The following EPHA5 variants were observed in gnomAD, a reference collection of about 807,000 sequenced individuals.
The protein encoded by EPHA5 is ephrin type-A receptor 5.
EPHA5 carries 60 observed loss-of-function variants against 105.0 expected under a neutral mutation model. The ratio of observed to expected loss-of-function variants is 0.57; its 90% CI spans 0.46 to 0.71. The LOEUF (loss-of-function observed/expected upper bound fraction) is 0.71, where lower values mean the gene tolerates loss of function less well. Among genes scored for constraint, EPHA5 ranks in the 30% least tolerant of loss-of-function variants. The pLI is 0.00. For synonymous variants in EPHA5, 513 were observed against 449.1 expected, an observed-to-expected ratio of 1.14 and a Z score of -1.80; for missense variants, 1,218 against 1,274.7, an observed-to-expected ratio of 0.96 and a Z score of 0.68.
At chr4:65,612,620 C>A (rs994621522) in intron 2 of EPHA5, among the ~76,000 whole-genome samples, 1 of 152,202 alleles carries the variant, frequency 6.6e-6, no homozygotes, top group East Asian at 1.9e-4. Flanking sequence ...GGGAATAGTG[C>A]GGTGAGAAAC....
At chr4:65,465,026 G>T (rs930540661) in intron 5 of EPHA5, among the ~76,000 whole-genome samples, 8 of 152,132 alleles carry the variant, frequency 5.3e-5, no homozygotes, top group African/African-American at 1.9e-4. Flanking sequence ...AGTTATGTAA[G>T]AGTGATGAAA....
chr4:65,572,891 A>G (rs1560714268), intron 3 of EPHA5, among the ~76,000 whole-genome samples: 1 of 151,418 alleles, frequency 6.6e-6, no homozygotes, highest in Non-Finnish European at 1.5e-5. Context: ...ATTAGCCAAG[A>G]GTGGTGGTGC....
intron 5 of EPHA5, among the ~76,000 whole-genome samples, chr4:65,440,376 T>C (rs1208405782): frequency 1.3e-5 from 2 of 152,016 alleles, no homozygotes; most frequent in Admixed American, 6.6e-5. Context: ...GCTGGAGATA[T>C]GGATACATAT....
At chr4:65,428,918 A>G (rs1369286114) in intron 5 of EPHA5, among the ~76,000 whole-genome samples, 1 of 152,060 alleles carries the variant, frequency 6.6e-6, no homozygotes, top group African/African-American at 2.4e-5. Flanking sequence ...GTAAAATAAC[A>G]GTGCAAATCA....
chr4:65,435,631 A>C (rs1224110392), intron 5 of EPHA5, among the ~76,000 whole-genome samples: 1 of 152,046 alleles, frequency 6.6e-6, no homozygotes, highest in Non-Finnish European at 1.5e-5. Context: ...TTATCTGAAA[A>C]ATCATTATGG....
Position 65,320,252 on chromosome 4 carries a change from A to G in EPHA5, c.*3862T>C, listed in dbSNP as rs1719528725. The G allele has an allele frequency of 4.3e-6, 1 of 230,150 alleles. No homozygotes were observed. The allele number at this position is 230,150 out of a possible 1,614,324, so 14.3% of individuals were successfully genotyped here. A position where few individuals can be genotyped will look rare whatever the true frequency, so the allele number is the denominator to read the frequency against. ...TATTCAATGTAAACAGCTGTGCTAC[A>G]GAGTTGAAAAAATGATGACTTATTT... On this transcript the variant is annotated 3_prime_UTR_variant, in exon 17 of 17. Coordinates refer to ENST00000613740, the MANE Select transcript of EPHA5 (RefSeq NM_001281766.3).
intron 5 of EPHA5, among the ~76,000 whole-genome samples, chr4:65,461,764 C>A (rs11938411): frequency 6.6e-6 from 1 of 151,770 alleles, no homozygotes; most frequent in Non-Finnish European, 1.5e-5. Context: ...AAATGGGGCA[C>A]ATTTGAAACC....
At chr4:65,556,718 A>T (rs930108741) in intron 3 of EPHA5, among the ~76,000 whole-genome samples, 1 of 152,078 alleles carries the variant, frequency 6.6e-6, no homozygotes, top group Non-Finnish European at 1.5e-5. Context: ...TATTTTCAGC[A>T]TTATTATTAT....
intron 3 of EPHA5, among the ~76,000 whole-genome samples, chr4:65,531,099 G>T (rs1035520385): frequency 6.6e-6 from 1 of 150,488 alleles, no homozygotes; most frequent in African/African-American, 2.4e-5. Flanking sequence ...CTGCAGTGGC[G>T]CAATCTCGGC....
At chr4:65,331,750 T>C in intron 16 of EPHA5, 1 of 1,220,680 alleles carries the variant, frequency 8.2e-7, no homozygotes, top group Non-Finnish European at 1.0e-6. Flanking sequence ...ATTATTCAAG[T>C]ATGCCAATGT....
At chr4:65,521,708 C>T (rs1467475420) in intron 3 of EPHA5, among the ~76,000 whole-genome samples, 1 of 152,068 alleles carries the variant, frequency 6.6e-6, no homozygotes, top group Non-Finnish European at 1.5e-5. Flanking sequence ...CTAAACTACT[C>T]TGGTCCTAAT....
At chr4:65,635,818 A>T (rs1382448304) in intron 2 of EPHA5, among the ~76,000 whole-genome samples, 1 of 152,208 alleles carries the variant, frequency 6.6e-6, no homozygotes, top group African/African-American at 2.4e-5. Flanking sequence ...TGTAATTAGA[A>T]GGAAGCAAAA....
intron 5 of EPHA5, among the ~76,000 whole-genome samples, chr4:65,450,869 G>A (rs1413324454): frequency 6.6e-6 from 1 of 152,050 alleles, no homozygotes; most frequent in African/African-American, 2.4e-5. Flanking sequence ...ATCCTAAATT[G>A]CTTTTCTCTT....
At chr4:65,537,330 A>G (rs1485360527) in intron 3 of EPHA5, among the ~76,000 whole-genome samples, 1 of 151,774 alleles carries the variant, frequency 6.6e-6, no homozygotes, top group Non-Finnish European at 1.5e-5. Context: ...GGTGAGAGAT[A>G]TTTTGTAAAA....
intron 3 of EPHA5, among the ~76,000 whole-genome samples, chr4:65,524,504 G>T (rs1021024319): frequency 2.0e-5 from 3 of 151,582 alleles, no homozygotes; most frequent in Non-Finnish European, 4.4e-5. Context: ...CAAACTATAA[G>T]TTCCTAGAAG....
intron 3 of EPHA5, among the ~76,000 whole-genome samples, chr4:65,580,050 T>G (rs1741463214): frequency 6.6e-6 from 1 of 152,034 alleles, no homozygotes; most frequent in Middle Eastern, 3.4e-3. Flanking sequence ...AGCCTGCTAA[T>G]AATCCAATGA....
intron 3 of EPHA5, among the ~76,000 whole-genome samples, chr4:65,576,000 GAGAAAGAAAGAA>G (rs1553943367): frequency 5.0e-4 from 15 of 29,730 alleles, no homozygotes; most frequent in East Asian, 2.0e-3. Context: ...GAGAGAGAGA[GAGAAAGAAAGAA>G]AGAAAGAAAG....
At chr4:65,472,053 A>G (rs1729338652) in intron 5 of EPHA5, among the ~76,000 whole-genome samples, 1 of 152,188 alleles carries the variant, frequency 6.6e-6, no homozygotes, top group African/African-American at 2.4e-5. Context: ...CTGTAAAATC[A>G]AAAGCTAGTT....
intron 3 of EPHA5, among the ~76,000 whole-genome samples, chr4:65,509,138 C>T: frequency 6.6e-6 from 1 of 152,092 alleles, no homozygotes; most frequent in East Asian, 1.9e-4. Flanking sequence ...CCTACTGGGT[C>T]TTAAATTAAA....
Sources: gnomAD v4.1 joint callset for allele counts (sites outside exome capture counted in the v4.1 genomes callset) on GRCh38, gnomAD v4.1.1 for gene constraint, MANE v1.5 for transcripts, NCBI Gene and HGNC (gene_info 2026-07-23, HGNC 2026-07-21) for gene names.